OR2H1: variants seen among roughly 807,000 people sequenced by gnomAD.
The protein encoded by OR2H1 is olfactory receptor 2H1.
For missense variants in OR2H1, 380 were observed against 367.3 expected, an observed-to-expected ratio of 1.03 and a Z score of -0.28; for synonymous variants, 155 against 155.2, an observed-to-expected ratio of 1.00 and a Z score of 0.01.
chr6:29,462,231 G>A lies in OR2H1; in HGVS notation c.462G>A (p.Ser154=), dbSNP rs1334980567. ...CCTGGGTTATGAGTCTGGTTCAATC[G>A]ATAGTCCAGACACCATCCACCCTCC... The part of the protein sequence containing the change: ...SVAWVMSLVQ[S]IVQTPSTLHL... The change falls in exon 4 of 4, where the codon TCG becomes TCA. Residue 154 remains serine (S), a synonymous_variant. Coordinates refer to ENST00000377133, the MANE Select transcript of OR2H1 (RefSeq NM_030883.5). 3.7e-6 allele frequency: 6 copies of A among 1,613,374 alleles called. No homozygotes were observed. The highest frequency in any genetic ancestry group is 1.3e-5 in the African/African-American group (1 of 75,006).
Position 29,462,731 on chromosome 6 carries a change from AAAGT to A in OR2H1, c.*15_*18del. On this transcript the variant is annotated 3_prime_UTR_variant, in exon 4 of 4. Transcript: ENST00000377133. ...TGGAGAGCTGCTTAATATACTTTCG[AAAGT>A]AAGAAGAGTTTCTTCAAGATTTATG... 6.3e-7 allele frequency: 1 copy of A among 1,587,128 alleles called. No individual in the cohort carries two copies. Among genetic ancestry groups the A allele is most frequent in the Non-Finnish European group, 8.6e-7 (1 of 1,162,582 alleles).
intron 1 of OR2H1, among the ~76,000 whole-genome samples, chr6:29,457,847 T>C (rs1786620688): frequency 6.6e-6 from 1 of 152,130 alleles, no homozygotes; most frequent in African/African-American, 2.4e-5. Context: ...GAAGCAGTGG[T>C]GACCTTTTTA....
chr6:29,460,565 T>A (rs1483646798), intron 3 of OR2H1, 111 bp downstream of exon 3: 1 of 151,918 alleles, frequency 6.6e-6, no homozygotes, highest in Non-Finnish European at 1.5e-5. Context: ...GTAACTGAGC[T>A]GTTTTTACAC....
At position 29,463,883 on chromosome 6, in the gene OR2H1, A is replaced by T. The variant is rs1300333827; in HGVS notation, c.*1163A>T. 6.0e-6 allele frequency: 1 copy of T among 166,664 alleles called. No homozygotes were observed. The highest frequency in any genetic ancestry group is 1.5e-5 in the Non-Finnish European group (1 of 68,130). The allele number at this position is 166,664 out of a possible 1,614,324, so 10.3% of individuals were successfully genotyped here. ...CTACCAACTCTCTGGAGTCTCTTTTATGAGGGCACTAATTCCAATTATGAA... is the reference window on the plus strand; with the variant it reads ...CTACCAACTCTCTGGAGTCTCTTTTTTGAGGGCACTAATTCCAATTATGAA... On this transcript the variant is annotated 3_prime_UTR_variant, in exon 4 of 4. Transcript: ENST00000377133.
intron 2 of OR2H1, chr6:29,459,688 TTGTC>T (rs755771951): frequency 2.0e-5 from 3 of 152,226 alleles, no homozygotes; most frequent in Non-Finnish European, 4.4e-5. Context: ...CCTCCTGCCA[TTGTC>T]TGTGCTCAGA....
chr6:29,458,461 T>C lies in OR2H1; in HGVS notation c.-435T>C, dbSNP rs1168303296. The C allele has an allele frequency of 6.6e-6, 1 of 152,234 alleles. No homozygotes were observed. The highest frequency in any genetic ancestry group is 1.9e-4 in the East Asian group (1 of 5,200). The allele number at this position is 152,234 out of a possible 1,614,324, so 9.4% of individuals were successfully genotyped here. A position where few individuals can be genotyped will look rare whatever the true frequency, so the allele number is the denominator to read the frequency against. The stretch of plus-strand genomic sequence containing the variant: ...TATAACATTCCTCTTTAGTTTGCTT[T>C]TAGTTCTCATTGTGAGATCACAAGT... On this transcript the variant is annotated 5_prime_UTR_variant, in exon 2 of 4. Transcript: ENST00000377133.
At chr6:29,461,210 A>C (rs1048490323) in intron 3 of OR2H1, 2 of 152,794 alleles carry the variant, frequency 1.3e-5, no homozygotes, top group Middle Eastern at 3.2e-3. Context: ...TTAATTCTAC[A>C]CTCTGCCTCT....
rs370239828 is a variant in OR2H1, at chr6:29,462,347, A to G, written c.578A>G (p.Asn193Ser). ...IRLSCGDTSY[N>S]EIQLAVSSVI... ...CTCTCCTGTGGAGATACCTCCTACA[A>G]TGAAATCCAGTTGGCTGTGTCCAGT... Residue 193 changes from asparagine (N) to serine (S), a missense_variant, in exon 4 of 4, where the codon AAT (asparagine) becomes AGT (serine). Asn to Ser is a conservative substitution (Grantham distance 46). Transcript: ENST00000377133. 16 of 1,612,978 alleles carry G rather than the reference A, an allele frequency of 9.9e-6. No individual in the cohort carries two copies. The highest frequency in any genetic ancestry group is 2.2e-5 in the East Asian group (1 of 44,884).
In OR2H1 at chr6:29,463,888, G is replaced by A. The variant is rs565638006; in HGVS notation, c.*1168G>A. 6 of 166,582 alleles carry A rather than the reference G, an allele frequency of 3.6e-5. No individual in the cohort carries two copies. The highest frequency in any genetic ancestry group is 1.4e-4 in the African/African-American group (6 of 41,538). The allele number at this position is 166,582 out of a possible 1,614,324, so 10.3% of individuals were successfully genotyped here. A position where few individuals can be genotyped will look rare whatever the true frequency, so the allele number is the denominator to read the frequency against. On this transcript the variant is annotated 3_prime_UTR_variant, in exon 4 of 4. Transcript: ENST00000377133. ...AACTCTCTGGAGTCTCTTTTATGAGGGCACTAATTCCAATTATGAAGCCTC... is the reference window on the plus strand; with the variant it reads ...AACTCTCTGGAGTCTCTTTTATGAGAGCACTAATTCCAATTATGAAGCCTC...
intron 1 of OR2H1, among the ~76,000 whole-genome samples, chr6:29,458,232 G>C (rs1464947441): frequency 6.6e-6 from 1 of 152,160 alleles, no homozygotes; most frequent in African/African-American, 2.4e-5. Context: ...GGTCTTTGGT[G>C]CTTACTAGCT....
At chr6:29,458,669 T>A (rs562739169) in intron 2 of OR2H1, 100 bp downstream of exon 2, 2 of 152,194 alleles carry the variant, frequency 1.3e-5, no homozygotes, top group South Asian at 2.1e-4. Context: ...CTGACACTCA[T>A]TGGCAGGGTA....
At position 29,463,761 on chromosome 6, in the gene OR2H1, G is replaced by A. The variant is rs1425033340; in HGVS notation, c.*1041G>A. On this transcript the variant is annotated 3_prime_UTR_variant, in exon 4 of 4. Transcript: ENST00000377133. ...TTCTTTCTTACAGTTCTGGAGGCTG[G>A]AAACTCCAAGATTAAGGCAGATTTC... The A allele has an allele frequency of 6.0e-6, 1 of 167,068 alleles. No individual in the cohort carries two copies. Among genetic ancestry groups the A allele is most frequent in the Non-Finnish European group, 1.5e-5 (1 of 68,134 alleles). 10.3% of individuals were successfully genotyped at this position (167,068 alleles called of 1,614,324 possible).
rs777238942 is a variant in OR2H1 at position 29,462,050 on chromosome 6, G to A, written c.281G>A (p.Gly94Glu). ...CCAAAGAAGACCATCAGCTTCCTGG[G>A]ATGCTCTGTCCAGCTCTTCATCTTC... The part of the protein sequence containing the change: ...WGPKKTISFL[G>E]CSVQLFIFLS... The change falls in exon 4 of 4, where the codon GGA becomes GAA. Residue 94 changes from glycine to glutamate, a missense_variant. Gly to Glu is a moderately conservative substitution (Grantham distance 98). Transcript: ENST00000377133. The A allele has an allele frequency of 1.1e-4, 171 of 1,613,374 alleles. No individual in the cohort carries two copies. The highest frequency in any genetic ancestry group is 1.3e-4 in the Non-Finnish European group (159 of 1,180,040).
intron 3 of OR2H1, 40 bp from the exon 4 acceptor site, chr6:29,461,455 T>G (rs1456748472): frequency 1.0e-5 from 4 of 384,432 alleles, no homozygotes; most frequent in Admixed American, 4.1e-5. Flanking sequence ...ATCGGTTAAT[T>G]AATCCATGTT....
rs781430356 is a variant in OR2H1, at chr6:29,462,586, G to A, written c.817G>A (p.Gly273Ser). Residue 273 changes from glycine (G) to serine (S), a missense_variant, in exon 4 of 4, where the codon GGT becomes AGT. Coordinates refer to ENST00000377133, the MANE Select transcript of OR2H1 (RefSeq NM_030883.5). ...TGCCCAAGGGAGGGGCAAGTTCTTTGGTCTCTTCTATGCAGTGGGCACTCC... is the reference window on the plus strand; with the variant it reads ...TGCCCAAGGGAGGGGCAAGTTCTTTAGTCTCTTCTATGCAGTGGGCACTCC... ...PYAQGRGKFF[G>S]LFYAVGTPSL... 8 of 1,612,976 alleles carry A rather than the reference G, an allele frequency of 5.0e-6. No homozygotes were observed. The highest frequency in any genetic ancestry group is 2.2e-5 in the East Asian group (1 of 44,874).
intron 2 of OR2H1, among the ~76,000 whole-genome samples, chr6:29,459,598 A>T (rs1786977754): frequency 6.6e-6 from 1 of 152,178 alleles, no homozygotes; most frequent in Admixed American, 6.5e-5. Context: ...TGATTGTGCC[A>T]TCCCATAAAG....
chr6:29,461,218 T>C (rs886674893), intron 3 of OR2H1: 1 of 153,170 alleles, frequency 6.5e-6, no homozygotes, highest in African/African-American at 2.4e-5. Context: ...ACACTCTGCC[T>C]CTGATTGACA....
rs1787418316 is a variant in OR2H1 at position 29,462,455 on chromosome 6, C to T, written c.686C>T (p.Ala229Val). 5.6e-6 allele frequency: 9 copies of T among 1,613,032 alleles called. No homozygotes were observed. Among genetic ancestry groups the T allele is most frequent in the East Asian group, 2.2e-5 (1 of 44,890 alleles). The change falls in exon 4 of 4, where the codon GCC becomes GTC. Residue 229 changes from alanine (A) to valine (V), a missense_variant. Coordinates refer to ENST00000377133, the MANE Select transcript of OR2H1 (RefSeq NM_030883.5). ...TAQAVLRINS[A>V]TAWRKAFGTC... The stretch of plus-strand genomic sequence containing the variant: ...CAGGCAGTGCTGAGGATTAACTCTG[C>T]CACAGCATGGAGAAAGGCCTTTGGG...
rs1786462849 is a variant in OR2H1 at position 29,457,222 on chromosome 6, C to T, written c.-443+15C>T. On this transcript the variant is annotated intron_variant, in intron 1 of 3. Coordinates refer to ENST00000377133, the MANE Select transcript of OR2H1 (RefSeq NM_030883.5). ...CCCATGCAAAGGTAAGGGAAGTAGG[C>T]TCTACTTTGTGAAGGGGATATAAGA... 6.6e-6 allele frequency: 1 copy of T among 152,118 alleles called. No homozygotes were observed. The highest frequency in any genetic ancestry group is 1.5e-5 in the Non-Finnish European group (1 of 68,024). 9.4% of individuals were successfully genotyped at this position (152,118 alleles called of 1,614,324 possible). A position where few individuals can be genotyped will look rare whatever the true frequency, so the allele number is the denominator to read the frequency against.
Sources: gnomAD v4.1 joint callset for allele counts (sites outside exome capture counted in the v4.1 genomes callset) on GRCh38, gnomAD v4.1.1 for gene constraint, MANE v1.5 for transcripts, NCBI Gene and HGNC (gene_info 2026-07-23, HGNC 2026-07-21) for gene names.